The following SEL1L3 variants were observed in gnomAD, a reference collection of about 807,000 sequenced individuals.
SEL1L3 encodes SEL1L family member 3.
In SEL1L3, 76 loss-of-function variants were observed where a neutral mutation model predicts 142.8. The ratio of observed to expected loss-of-function variants is 0.53; its 90% confidence interval spans 0.44 to 0.64. The LOEUF is 0.64. Among genes scored for constraint, SEL1L3 ranks in the 30% least tolerant of loss-of-function variants. The pLI, the probability that SEL1L3 is intolerant of heterozygous loss-of-function variation, is 0.00. For missense variants in SEL1L3, 1,262 were observed against 1,381.7 expected (o/e 0.91, Z 1.37); for synonymous variants, 504 against 519.6 (o/e 0.97, Z 0.41).
At chr4:25,830,583 C>T (rs1226865267) in intron 5 of SEL1L3, among the ~76,000 whole-genome samples, 4 of 152,160 alleles carry the variant, frequency 2.6e-5, no homozygotes, top group Admixed American at 6.5e-5. Context: ...GCTGTTCCCA[C>T]CTCCCTTTCC....
At chr4:25,833,155 A>AGG (rs746479693) in intron 4 of SEL1L3, 45 bp from the exon 5 acceptor site, 1 of 1,091,010 alleles carries the variant, frequency 9.2e-7, no homozygotes, top group East Asian at 2.4e-5. Context: ...AAAAATATCT[A>AGG]CGAGTGAATG....
the SEL1L3 span, among the ~76,000 whole-genome samples, chr4:25,722,042 T>A: frequency 1.3e-5 from 2 of 152,150 alleles, no homozygotes. Context: ...TTTTTATTAA[T>A]GTTTGTGTGC....
chr4:25,747,257 T>C (rs1301025824), downstream of SEL1L3, among the ~76,000 whole-genome samples: 1 of 152,188 alleles, frequency 6.6e-6, no homozygotes, highest in African/African-American at 2.4e-5. Flanking sequence ...TCAGGATTCC[T>C]GGAGAGAAGC....
intron 9 of SEL1L3, among the ~76,000 whole-genome samples, chr4:25,814,016 G>A (rs1049423344): frequency 2.8e-4 from 43 of 152,270 alleles, no homozygotes; most frequent in African/African-American, 9.6e-4. Flanking sequence ...GGAAAGAAAC[G>A]CTTTCAGGTC....
intron 13 of SEL1L3, among the ~76,000 whole-genome samples, chr4:25,785,158 G>T (rs562625076): frequency 5.9e-5 from 9 of 152,262 alleles, no homozygotes; most frequent in African/African-American, 2.2e-4. Context: ...TGACAGGATC[G>T]CCTGTGATTT....
intron 17 of SEL1L3, among the ~76,000 whole-genome samples, chr4:25,771,874 A>T (rs1322758633): frequency 6.6e-6 from 1 of 152,254 alleles, no homozygotes; most frequent in Non-Finnish European, 1.5e-5. Context: ...TGACAACATT[A>T]TCTTCTGTAT....
rs35102531 is a variant in SEL1L3, at chr4:25,812,714, G to GAA, written c.1564+5422_1564+5423dup. ...GCAACAAGAGTGAAACTCTGTCTCA[G>GAA]AAAAAAAAAAAAAAAAGGGTAGGTG... On this transcript the variant is annotated intron_variant, in intron 9 of 23. Coordinates refer to ENST00000399878, the MANE Select transcript of SEL1L3 (RefSeq NM_015187.5). 3.9e-3 allele frequency among the ~76,000 whole-genome samples: 439 copies of GAA among 112,112 alleles called. 5 individuals carry two copies. The highest frequency in any genetic ancestry group is 0.013 in the African/African-American group (407 of 30,532). The allele number at this position is 112,112 out of a possible 152,430, so 73.5% of individuals were successfully genotyped here.
At chr4:25,836,677 C>T (rs1042245770) in intron 2 of SEL1L3, among the ~76,000 whole-genome samples, 11 of 152,060 alleles carry the variant, frequency 7.2e-5, no homozygotes, top group African/African-American at 2.7e-4. Context: ...TTTTCTTCTG[C>T]TTAAAATACT....
chr4:25,836,861 A>G (rs946273346), intron 2 of SEL1L3, among the ~76,000 whole-genome samples: 11 of 152,146 alleles, frequency 7.2e-5, no homozygotes, highest in Non-Finnish European at 1.5e-4. Flanking sequence ...AAGGAAATAA[A>G]AAGTTTTATT....
At chr4:25,728,452 C>T in the SEL1L3 span, among the ~76,000 whole-genome samples, 3 of 152,194 alleles carry the variant, frequency 2.0e-5, no homozygotes, top group East Asian at 5.8e-4. Context: ...TTCTGTCTCC[C>T]ACTGTTCCCT....
At chr4:25,758,864 G>A (rs1718180664) in intron 21 of SEL1L3, 77 bp downstream of exon 21, 1 of 1,433,476 alleles carries the variant, frequency 7.0e-7, no homozygotes, top group Non-Finnish European at 9.5e-7. Flanking sequence ...TAAGGGTAAA[G>A]CTAACTTTAA....
At chr4:25,747,298 A>G (rs1717303360), downstream of SEL1L3, 1 of 149,290 alleles carries the variant, frequency 6.7e-6, no homozygotes. Flanking sequence ...ACAAATATTA[A>G]TGGGTTATGA....
At chr4:25,860,080 G>A (rs1717585489) in intron 1 of SEL1L3, among the ~76,000 whole-genome samples, 1 of 152,138 alleles carries the variant, frequency 6.6e-6, no homozygotes, top group South Asian at 2.1e-4. Flanking sequence ...TATGGCCTGG[G>A]GCAACTAACT....
chr4:25,743,071 C>T (rs570634665), downstream of SEL1L3, among the ~76,000 whole-genome samples: 14 of 152,240 alleles, frequency 9.2e-5, no homozygotes, highest in South Asian at 1.5e-3. Context: ...GTGGTGACTG[C>T]GGCAAATCGG....
At chr4:25,723,130 C>G in the SEL1L3 span, among the ~76,000 whole-genome samples, 4 of 152,178 alleles carry the variant, frequency 2.6e-5, no homozygotes, top group African/African-American at 4.8e-5. Flanking sequence ...AAGGCCATTC[C>G]TAGCTGGTGA....
chr4:25,832,074 C>A (rs754226081), intron 5 of SEL1L3, among the ~76,000 whole-genome samples: 3 of 152,148 alleles, frequency 2.0e-5, no homozygotes, highest in Admixed American at 2.0e-4. Flanking sequence ...TGTGGACCAC[C>A]GCTATGTCAC....
the SEL1L3 span, among the ~76,000 whole-genome samples, chr4:25,723,310 T>TA: frequency 6.6e-6 from 1 of 152,170 alleles, no homozygotes; most frequent in African/African-American, 2.4e-5. Context: ...TGGAGTTACT[T>TA]ACATCAAGGG....
At chr4:25,803,902 C>A (rs1441091258) in intron 10 of SEL1L3, among the ~76,000 whole-genome samples, 2 of 151,928 alleles carry the variant, frequency 1.3e-5, no homozygotes, top group Non-Finnish European at 2.9e-5. Context: ...GCTTTCCTGG[C>A]CCTCAGCTTG....
intron 11 of SEL1L3, 148 bp from the exon 12 acceptor site, chr4:25,790,722 G>C (rs1470828048): frequency 6.0e-6 from 1 of 166,824 alleles, no homozygotes; most frequent in African/African-American, 3.2e-5. Context: ...GAAGGAGAGA[G>C]GGAGGGAGGG....
Sources: allele counts gnomAD v4.1 joint callset (sites outside exome capture counted in the v4.1 genomes callset), GRCh38; gene constraint gnomAD v4.1.1; transcripts MANE v1.5; gene names NCBI Gene and HGNC (gene_info 2026-07-23, HGNC 2026-07-21).